The following GPHN variants were observed in gnomAD, a reference collection of about 807,000 sequenced individuals.
GPHN encodes gephyrin.
Under a neutral mutation model 95.5 loss-of-function variants are expected in GPHN, and 17 were observed. The observed-to-expected ratio is 0.18, with a 90% CI of 0.12 to 0.27. The LOEUF is 0.27. Ranked by LOEUF, GPHN falls within the 10% of genes least tolerant of loss-of-function variation. The pLI, the probability that GPHN is intolerant of heterozygous loss-of-function variation, is 1.00. For missense variants in GPHN, 660 were observed against 978.1 expected (o/e 0.67, Z 4.34); for synonymous variants, 320 against 322.5 (o/e 0.99, Z 0.08).
At chr14:67,650,788 A>G in the GPHN span, 17 of 1,614,212 alleles carry the variant, frequency 1.1e-5, no homozygotes, top group Non-Finnish European at 1.4e-5. Flanking sequence ...CGAAGACTAC[A>G]GCTAACCTGG....
chr14:67,557,409 G>T, the GPHN span: 1 of 1,613,172 alleles, frequency 6.2e-7, no homozygotes, highest in Non-Finnish European at 8.5e-7. Context: ...AGGCTCAGCT[G>T]GAGAAGCAGG....
At chr14:67,574,032 C>G in the GPHN span, 2 of 712,732 alleles carry the variant, frequency 2.8e-6, no homozygotes, top group South Asian at 3.6e-5. The surrounding 1 kb of genome is among the most constrained non-coding windows in gnomAD (Gnocchi z 4.2). Flanking sequence ...CTTGTGAGTA[C>G]AAGAAAGGAA....
chr14:67,547,217 C>T, the GPHN span, among the ~76,000 whole-genome samples: 1 of 152,090 alleles, frequency 6.6e-6, no homozygotes, highest in Non-Finnish European at 1.5e-5. Context: ...AGGGGAGAGA[C>T]ACAGATCTGG....
At chr14:66,580,757 C>G (rs1192615694) in intron 1 of GPHN, among the ~76,000 whole-genome samples, 1 of 151,678 alleles carries the variant, frequency 6.6e-6, no homozygotes, top group African/African-American at 2.4e-5. Flanking sequence ...GAATAAACAC[C>G]AGTGTTTCTC....
At chr14:67,590,413 C>A in the GPHN span, among the ~76,000 whole-genome samples, 2 of 152,108 alleles carry the variant, frequency 1.3e-5, no homozygotes, top group African/African-American at 4.8e-5. Flanking sequence ...CCACCACGCC[C>A]AGTGGCACAA....
chr14:67,571,828 G>A, the GPHN span: 79 of 1,613,828 alleles, frequency 4.9e-5, no homozygotes, highest in South Asian at 8.7e-4. Flanking sequence ...TCTCAGGCGA[G>A]TTTCCGAATC....
the GPHN span, among the ~76,000 whole-genome samples, chr14:67,456,336 ACGCCTGAAATC>A: frequency 6.6e-6 from 1 of 152,218 alleles, no homozygotes; most frequent in East Asian, 1.9e-4. Context: ...ACGGTGGCTC[ACGCCTGAAATC>A]CCCAGTGCTT....
chr14:67,232,491 T>C, the GPHN span, among the ~76,000 whole-genome samples: 9 of 152,210 alleles, frequency 5.9e-5, no homozygotes, highest in African/African-American at 2.2e-4. Context: ...GTTAAGCTGC[T>C]TCTGGCTTCC....
At chr14:66,598,720 G>A (rs994111226) in intron 1 of GPHN, among the ~76,000 whole-genome samples, 5 of 151,706 alleles carry the variant, frequency 3.3e-5, no homozygotes, top group South Asian at 2.1e-4. Context: ...TGGCGCATGC[G>A]TGTAATCCCA....
chr14:67,265,172 G>A, the GPHN span, among the ~76,000 whole-genome samples: 1 of 152,194 alleles, frequency 6.6e-6, no homozygotes, highest in South Asian at 2.1e-4. Context: ...GATGACAAAT[G>A]AAGGTACTTT....
intron 11 of GPHN, among the ~76,000 whole-genome samples, chr14:67,086,998 A>G (rs2076925592): frequency 1.4e-5 from 2 of 144,080 alleles, no homozygotes; most frequent in African/African-American, 5.3e-5. Flanking sequence ...AGATCCCACC[A>G]CTGCACTCCA....
intron 2 of GPHN, among the ~76,000 whole-genome samples, chr14:66,718,342 C>T (rs1336617898): frequency 4.6e-5 from 7 of 151,984 alleles, no homozygotes; most frequent in Non-Finnish European, 8.8e-5. Flanking sequence ...AAAGGTGGCA[C>T]GTCCGGAGTT....
intron 1 of GPHN, among the ~76,000 whole-genome samples, chr14:66,635,996 A>G (rs1017738278): frequency 6.6e-6 from 1 of 152,150 alleles, no homozygotes; most frequent in Admixed American, 6.5e-5. Context: ...AAGAAAAAGA[A>G]AAAGTGATTT....
intron 2 of GPHN, among the ~76,000 whole-genome samples, chr14:66,718,914 G>A (rs2070458875): frequency 6.6e-6 from 1 of 152,134 alleles, no homozygotes; most frequent in Non-Finnish European, 1.5e-5. Context: ...GAGGTTCCCA[G>A]GTCAATGGAG....
At chr14:66,706,749 A>G (rs763521726) in intron 2 of GPHN, among the ~76,000 whole-genome samples, 11 of 152,234 alleles carry the variant, frequency 7.2e-5, no homozygotes, top group Admixed American at 2.6e-4. Context: ...GGACACAGGC[A>G]TGGGCAAAGA....
chr14:67,511,431 C>G, the GPHN span, among the ~76,000 whole-genome samples: 1 of 152,168 alleles, frequency 6.6e-6, no homozygotes, highest in Non-Finnish European at 1.5e-5. Flanking sequence ...CGAGACCTGT[C>G]CGTGTAGATG....
chr14:66,689,532 C>G (rs117345662), intron 2 of GPHN, among the ~76,000 whole-genome samples: 2,030 of 152,146 alleles, frequency 0.013, 21 homozygotes, highest in Middle Eastern at 0.02. Flanking sequence ...AGTCCTTGGT[C>G]TAGTTTTAGT....
chr14:66,588,930 G>A (rs550597607), intron 1 of GPHN, among the ~76,000 whole-genome samples: 7 of 152,108 alleles, frequency 4.6e-5, no homozygotes, highest in Middle Eastern at 3.4e-3. Context: ...ACACATAATC[G>A]TCAGATTCAT....
chr14:67,052,352 A>AAAAAAAAAAAAAAAAG (rs531828598), intron 10 of GPHN, among the ~76,000 whole-genome samples: 1 of 151,470 alleles, frequency 6.6e-6, no homozygotes, highest in Non-Finnish European at 1.5e-5. Context: ...AAAAAAAAAA[A>AAAAAAAAAAAAAAAAG]GATCAAAAAA....
Sources: gnomAD v4.1 joint callset for allele counts (sites outside exome capture counted in the v4.1 genomes callset) on GRCh38, gnomAD v4.1.1 for gene constraint, Gnocchi (gnomAD v3.1) non-coding constraint, MANE v1.5 for transcripts, NCBI Gene and HGNC (gene_info 2026-07-23, HGNC 2026-07-21) for gene names.